The following FER1L5 variants were observed in gnomAD, a reference collection of about 807,000 sequenced individuals.
The protein encoded by FER1L5 is fer-1-like protein 5.
A neutral mutation model predicts 279.9 loss-of-function variants in FER1L5; 187 were observed. The observed-to-expected ratio is 0.67, with a 90% confidence interval of 0.59 to 0.75. The LOEUF (loss-of-function observed/expected upper bound fraction) is 0.75. Ranked by LOEUF, FER1L5 falls within the 30% of genes least tolerant of loss-of-function variation. The probability of loss-of-function intolerance (pLI) is 0.00; values close to 1 mark genes in which losing one functional copy is unlikely to be tolerated. For synonymous variants in FER1L5, 921 were observed against 989.7 expected (o/e 0.93, Z 1.30); for missense variants, 2,091 against 2,594.4 (o/e 0.81, Z 4.21).
chr2:96,685,475 C>T (rs1295497735), intron 21 of FER1L5, 46 bp downstream of exon 21: 1 of 1,501,200 alleles, frequency 6.7e-7, no homozygotes. Context: ...GGAGCTGAGC[C>T]AGATCTGGGC....
At chr2:96,650,569 A>G (rs1183326050) in intron 6 of FER1L5, among the ~76,000 whole-genome samples, 1 of 152,174 alleles carries the variant, frequency 6.6e-6, no homozygotes, top group East Asian at 1.9e-4. Context: ...CAGATGAGAG[A>G]GATCCTGCCC....
chr2:96,694,161 G>C lies in FER1L5; in HGVS notation c.3636+89G>C. 6.9e-7 allele frequency: 1 copy of C among 1,455,246 alleles called. No individual in the cohort carries two copies. The highest frequency in any genetic ancestry group is 9.1e-7 in the Non-Finnish European group (1 of 1,100,466). 90.1% of individuals were successfully genotyped at this position (1,455,246 alleles called of 1,614,324 possible). On this transcript the variant is annotated intron_variant, in intron 33 of 52. Coordinates refer to ENST00000624922, the MANE Select transcript of FER1L5 (RefSeq NM_001293083.2). The surrounding 1 kb of genome is among the most constrained non-coding windows in gnomAD (Gnocchi z 4.6). Reference sequence around the variant, plus strand: ...AGCCAGCGGGGGCCAACTCCACCCTGTCAGGAAATGCCTGGGGCCCAGGAT... The same window carrying C: ...AGCCAGCGGGGGCCAACTCCACCCTCTCAGGAAATGCCTGGGGCCCAGGAT...
rs776106829 is a variant in FER1L5, at chr2:96,694,503, G to A, written c.3741+39G>A. 1.0e-5 allele frequency: 15 copies of A among 1,488,158 alleles called. No homozygotes were observed. The South Asian group carries it at 1.7e-4, about 17-fold the overall frequency. 92.2% of individuals were successfully genotyped at this position (1,488,158 alleles called of 1,614,324 possible). On this transcript the variant is annotated intron_variant, in intron 34 of 52. Transcript: ENST00000624922. The surrounding 1 kb of genome is among the most constrained non-coding windows in gnomAD (Gnocchi z 4.6). ...GGGATGGGGACGGTGGGCAGGACAG[G>A]CGGGGGTGGTCTGGAGTGCGCTGCA...
At position 96,691,244 on chromosome 2, in the gene FER1L5, C is replaced by A. The variant is rs1027537681; in HGVS notation, c.2798C>A (p.Pro933Gln). 2.6e-6 allele frequency: 4 copies of A among 1,550,392 alleles called. No homozygotes were observed. In the Admixed American group the frequency reaches 7.8e-5, roughly 30 times the overall value. The stretch of plus-strand genomic sequence containing the variant: ...TCGGGCCTGCCCCAGGTCTGGAGCC[C>A]GGTGGAGAAGACCTACCACTCGTGC... Reference protein sequence around the residue: ...PPSGLPQVWSPVEKTYHSCRR... With the variant: ...PPSGLPQVWSQVEKTYHSCRR... Residue 933 changes from proline (P) to glutamine (Q), a missense_variant, in exon 28 of 53, where the codon CCG (proline) becomes CAG (glutamine). Transcript: ENST00000624922. This position sits in a 1 kb window ranked among gnomAD's most constrained non-coding sequence, Gnocchi z 6.0.
At chr2:96,646,584 G>T (rs748400741) in intron 2 of FER1L5, 131 bp downstream of exon 2, 551 of 950,232 alleles carry the variant, frequency 5.8e-4, no homozygotes, top group Non-Finnish European at 7.7e-4. Flanking sequence ...TCAAGGCTGG[G>T]CATCTTGGCC....
intron 19 of FER1L5, among the ~76,000 whole-genome samples, chr2:96,680,163 C>T (rs977231189): frequency 2.0e-5 from 3 of 152,020 alleles, no homozygotes; most frequent in African/African-American, 7.2e-5. Flanking sequence ...TTATATCTGT[C>T]TCCTTGGTTT....
intron 21 of FER1L5, 110 bp downstream of exon 21, chr2:96,685,539 A>G: frequency 1.1e-6 from 1 of 896,660 alleles, no homozygotes; most frequent in Non-Finnish European, 1.7e-6. Context: ...CTCGGGGAGG[A>G]GCACTGCTCA....
At position 96,691,705 on chromosome 2, in the gene FER1L5, A is replaced by G. The variant is rs762136302; in HGVS notation, c.3075+93A>G. On this transcript the variant is annotated intron_variant, in intron 29 of 52. Coordinates refer to ENST00000624922, the MANE Select transcript of FER1L5 (RefSeq NM_001293083.2). This position sits in a 1 kb window ranked among gnomAD's most constrained non-coding sequence, Gnocchi z 6.0. ...TGGCTGGGGCGCTGACTGCGGAGGA[A>G]GGGCCTCTGTTCCTCAGGCTTGCGA... is the stretch of plus-strand genomic sequence containing the variant. The G allele has an allele frequency of 3.4e-5, 53 of 1,543,354 alleles. No individual in the cohort carries two copies. The South Asian group carries it at 6.0e-4, about 18-fold the overall frequency.
chr2:96,691,221 G>C lies in FER1L5; in HGVS notation c.2775G>C (p.Ser925=), dbSNP rs570721694. ...AGTATGGAGTGGGGATCCCACCGTC[G>C]GGCCTGCCCCAGGTCTGGAGCCCGG... ...GWEYGVGIPP[S]GLPQVWSPVE... The change falls in exon 28 of 53, where the codon TCG becomes TCC. Residue 925 remains serine (S), a synonymous_variant. Coordinates refer to ENST00000624922, the MANE Select transcript of FER1L5 (RefSeq NM_001293083.2). The surrounding 1 kb of genome is among the most constrained non-coding windows in gnomAD (Gnocchi z 6.0). The C allele has an allele frequency of 1.9e-6, 3 of 1,550,070 alleles. No individual in the cohort carries two copies. In the South Asian group the frequency reaches 3.6e-5, roughly 18 times the overall value.
chr2:96,697,653 C>T lies in FER1L5; in HGVS notation c.4135-7C>T. Reference sequence around the variant, plus strand: ...CCCGAGGCCAGAATGATCCTCTTCTCTGCCAGGATGAGTATGAGCATGAGG... The same window carrying T: ...CCCGAGGCCAGAATGATCCTCTTCTTTGCCAGGATGAGTATGAGCATGAGG... On this transcript the variant is annotated splice_region_variant and splice_polypyrimidine_tract_variant and intron_variant, in intron 38 of 52. Transcript: ENST00000624922. 6.2e-7 allele frequency: 1 copy of T among 1,614,032 alleles called. No homozygotes were observed. The highest frequency in any genetic ancestry group is 8.5e-7 in the Non-Finnish European group (1 of 1,179,890).
chr2:96,689,685 A>C lies in FER1L5; in HGVS notation c.2567A>C (p.Glu856Ala). Residue 856 changes from glutamate to alanine, a missense_variant, in exon 26 of 53, where the codon GAG becomes GCG. Transcript: ENST00000624922. This position sits in a 1 kb window ranked among gnomAD's most constrained non-coding sequence, Gnocchi z 4.6. ...DIDINKSQVL[E>A]EVYENQGRDT... ...GACATCAACAAGAGCCAGGTGCTGG[A>C]GGAGGTATATGAGAACCAGGGCCGT... 1 of 1,551,080 alleles carries C rather than the reference A, an allele frequency of 6.4e-7. No individual in the cohort carries two copies. The highest frequency in any genetic ancestry group is 8.7e-7 in the Non-Finnish European group (1 of 1,146,884).
intron 23 of FER1L5, 74 bp downstream of exon 23, chr2:96,686,424 GC>G: frequency 6.8e-7 from 1 of 1,480,114 alleles, no homozygotes; most frequent in Non-Finnish European, 9.0e-7. Context: ...AACTCGCAGG[GC>G]AGCCCCTATG....
chr2:96,692,395 G>T (rs1423585757), intron 31 of FER1L5, among the ~76,000 whole-genome samples: 1 of 152,166 alleles, frequency 6.6e-6, no homozygotes, highest in South Asian at 2.1e-4. Context: ...TGACAAAGAC[G>T]CAGACCCCTC....
rs748724842 is a variant in FER1L5 at position 96,702,390 on chromosome 2, C to G, written c.5244C>G (p.Ile1748Met). 3.1e-6 allele frequency: 5 copies of G among 1,611,622 alleles called. No individual in the cohort carries two copies. The highest frequency in any genetic ancestry group is 1.7e-4 in the Middle Eastern group (1 of 6,058). ...TAAGTAGAGAGAAGACGAGCGACAT[C>G]TACATCAAAGGGTAGGGAAGAGGAG... ...DNLSREKTSD[I>M]YIKGWLYGLE... The change falls in exon 47 of 53, where the codon ATC (isoleucine) becomes ATG (methionine). Residue 1748 changes from isoleucine (I) to methionine (M), a missense_variant. Physicochemically the swap from Ile to Met is conservative, Grantham distance 10. Transcript: ENST00000624922. This position sits in a 1 kb window ranked among gnomAD's most constrained non-coding sequence, Gnocchi z 4.0.
Position 96,670,136 on chromosome 2 carries a change from T to C in FER1L5, c.1380T>C (p.Val460=). ...TGCCCTAGTGTATTCCCGACTCTGTTAGGGATGGTTTAGCTTATCGAGGCC... is the reference window on the plus strand; with the variant it reads ...TGCCCTAGTGTATTCCCGACTCTGTCAGGGATGGTTTAGCTTATCGAGGCC... The part of the protein sequence containing the change: ...QEEGACIPDS[V]RDGLAYRGRV... Residue 460 remains valine (V), a synonymous_variant, in exon 18 of 53, where the codon GTT becomes GTC. Transcript: ENST00000624922. 6.4e-7 allele frequency: 1 copy of C among 1,551,674 alleles called. No homozygotes were observed. The highest frequency in any genetic ancestry group is 2.0e-5 in the Admixed American group (1 of 50,992).
rs376625211 is a variant in FER1L5, at chr2:96,695,753, G to A, written c.3906G>A (p.Thr1302=). The A allele has an allele frequency of 4.2e-5, 67 of 1,612,372 alleles. No homozygotes were observed. The highest frequency in any genetic ancestry group is 1.3e-4 in the African/African-American group (10 of 74,922). ...CCTCGGGATTGCAGCTCATGCCGAC[G>A]GAGGAGGCCTATGCACTGCCCCTCG... is the stretch of plus-strand genomic sequence containing the variant. ...SVLVLTVLMP[T]EEAYALPLVV... The change falls in exon 36 of 53, where the codon ACG becomes ACA. Residue 1302 remains threonine, a synonymous_variant. Transcript: ENST00000624922.
At chr2:96,659,485 C>A (rs1278020551) in intron 9 of FER1L5, among the ~76,000 whole-genome samples, 1 of 34,020 alleles carries the variant, frequency 2.9e-5, no homozygotes, top group Non-Finnish European at 4.5e-5. Context: ...TTCTTTCTTT[C>A]TTTCTTTCTT....
intron 27 of FER1L5, among the ~76,000 whole-genome samples, chr2:96,690,945 G>A (rs1447059100): frequency 6.6e-6 from 1 of 152,268 alleles, no homozygotes; most frequent in African/African-American, 2.4e-5. Context: ...CTGCTTATGG[G>A]CTGTGTGGCC....
At chr2:96,663,291 T>G in intron 13 of FER1L5, 148 bp from the exon 14 acceptor site, 1 of 692,650 alleles carries the variant, frequency 1.4e-6, no homozygotes. Flanking sequence ...TGCTGAGAAG[T>G]TGTGCAGGTG....
Sources: gnomAD v4.1 joint callset for allele counts (sites outside exome capture counted in the v4.1 genomes callset) on GRCh38, gnomAD v4.1.1 for gene constraint, Gnocchi (gnomAD v3.1) non-coding constraint, MANE v1.5 for transcripts, NCBI Gene and HGNC (gene_info 2026-07-23, HGNC 2026-07-21) for gene names.